The following HYCC1 variants were observed in gnomAD, a reference collection of about 807,000 sequenced individuals.
HYCC1 encodes the protein hyccin.
the HYCC1 span, among the ~76,000 whole-genome samples, chr7:22,988,488 TG>T: frequency 6.6e-6 from 1 of 152,214 alleles, no homozygotes; most frequent in African/African-American, 2.4e-5. Flanking sequence ...ATTCATACTC[TG>T]GTTTCTTGTA....
the HYCC1 span, among the ~76,000 whole-genome samples, chr7:22,917,191 C>A: frequency 6.6e-6 from 1 of 152,152 alleles, no homozygotes; most frequent in Non-Finnish European, 1.5e-5. Flanking sequence ...CTTACTCCCC[C>A]ACTGAAACTT....
At chr7:22,911,180 G>A in the HYCC1 span, among the ~76,000 whole-genome samples, 3 of 152,150 alleles carry the variant, frequency 2.0e-5, no homozygotes, top group Non-Finnish European at 2.9e-5. Flanking sequence ...ACTGAAATTG[G>A]ACCTGTGCGA....
At chr7:22,999,857 C>T in the HYCC1 span, among the ~76,000 whole-genome samples, 344 of 151,972 alleles carry the variant, frequency 2.3e-3, no homozygotes, top group Non-Finnish European at 3.6e-3. Flanking sequence ...AGGGAATAGA[C>T]GAGAGGAAAA....
At chr7:22,995,601 T>C in the HYCC1 span, among the ~76,000 whole-genome samples, 2 of 152,172 alleles carry the variant, frequency 1.3e-5, no homozygotes, top group Non-Finnish European at 2.9e-5. Context: ...AGTAATGTAG[T>C]ACTGCATTAT....
At chr7:22,930,848 G>A in the HYCC1 span, among the ~76,000 whole-genome samples, 1 of 151,984 alleles carries the variant, frequency 6.6e-6, no homozygotes, top group Non-Finnish European at 1.5e-5. Flanking sequence ...ATAAATTAAT[G>A]TGCTACCCCA....
At chr7:22,959,213 C>T in the HYCC1 span, among the ~76,000 whole-genome samples, 4 of 152,136 alleles carry the variant, frequency 2.6e-5, no homozygotes, top group African/African-American at 9.7e-5. Context: ...CAAAAATGAT[C>T]ACTAGGTAAG....
chr7:23,012,160 C>T, the HYCC1 span, among the ~76,000 whole-genome samples: 5 of 152,026 alleles, frequency 3.3e-5, no homozygotes, highest in African/African-American at 9.7e-5. Flanking sequence ...AACGATACCC[C>T]AAAATAGGTC....
the HYCC1 span, among the ~76,000 whole-genome samples, chr7:22,987,323 G>A: frequency 1.4e-3 from 208 of 152,336 alleles, 8 homozygotes; most frequent in East Asian, 0.034. Flanking sequence ...CAAGGCAAGC[G>A]GATAACTTGA....
chr7:23,003,450 G>A, the HYCC1 span, among the ~76,000 whole-genome samples: 1 of 152,096 alleles, frequency 6.6e-6, no homozygotes, highest in Non-Finnish European at 1.5e-5. Flanking sequence ...TAAATGCTAT[G>A]AGAAAAAATG....
the HYCC1 span, chr7:22,941,905 A>G: frequency 6.6e-6 from 1 of 152,162 alleles, no homozygotes; most frequent in Non-Finnish European, 1.5e-5. Context: ...TCTATCTACA[A>G]TGCTTAAAGT....
chr7:22,989,922 T>C, the HYCC1 span, among the ~76,000 whole-genome samples: 1 of 152,214 alleles, frequency 6.6e-6, no homozygotes, highest in Non-Finnish European at 1.5e-5. Flanking sequence ...ACTAAGTTCT[T>C]ACTTACTAAG....
chr7:22,978,197 T>C, the HYCC1 span: 6 of 1,362,850 alleles, frequency 4.4e-6, no homozygotes, highest in Non-Finnish European at 6.3e-6. Context: ...TTTATTAAAA[T>C]GAAAAGCAGT....
chr7:22,946,196 T>A, the HYCC1 span: 1 of 1,550,828 alleles, frequency 6.4e-7, no homozygotes, highest in South Asian at 1.1e-5. Context: ...TTAATTAACA[T>A]TAAGTATTTT....
chr7:22,961,438 C>T, the HYCC1 span: 3 of 590,656 alleles, frequency 5.1e-6, no homozygotes, highest in Non-Finnish European at 8.9e-6. Context: ...CATTGCTTAA[C>T]ATTCTACTCC....
chr7:22,977,212 T>C, the HYCC1 span: 2 of 696,126 alleles, frequency 2.9e-6, no homozygotes, highest in South Asian at 1.6e-5. Context: ...TAGTAAATAC[T>C]TTGTGGGTGT....
At chr7:22,983,066 T>C in the HYCC1 span, among the ~76,000 whole-genome samples, 201 of 152,214 alleles carry the variant, frequency 1.3e-3, no homozygotes, top group African/African-American at 4.5e-3. Flanking sequence ...CAGTGCCTCA[T>C]GCTTGTAATC....
the HYCC1 span, among the ~76,000 whole-genome samples, chr7:22,964,996 T>G: frequency 6.6e-6 from 1 of 151,990 alleles, no homozygotes; most frequent in African/African-American, 2.4e-5. Flanking sequence ...TAGCTGGGTA[T>G]GGTGGCATGT....
the HYCC1 span, among the ~76,000 whole-genome samples, chr7:22,907,782 C>T: frequency 6.6e-6 from 1 of 152,114 alleles, no homozygotes; most frequent in Non-Finnish European, 1.5e-5. Flanking sequence ...CGTGGTGGCG[C>T]ATGCTCATAG....
At chr7:22,912,971 A>G in the HYCC1 span, among the ~76,000 whole-genome samples, 1 of 152,142 alleles carries the variant, frequency 6.6e-6, no homozygotes, top group Admixed American at 6.5e-5. Context: ...TAAAAATACA[A>G]AAATTAGCTG....
Sources: gnomAD v4.1 joint callset for allele counts (sites outside exome capture counted in the v4.1 genomes callset) on GRCh38, gnomAD v4.1.1 for gene constraint, MANE v1.5 for transcripts, NCBI Gene and HGNC (gene_info 2026-07-23, HGNC 2026-07-21) for gene names.